GRIA2: variants seen among roughly 807,000 people sequenced by gnomAD.
The protein encoded by GRIA2 is glutamate receptor 2.
GRIA2 carries 14 observed loss-of-function variants against 97.3 expected under a neutral mutation model. The observed-to-expected ratio is 0.14, with a 90% CI of 0.10 to 0.23. GRIA2 has a LOEUF of 0.23. GRIA2 is among the 10% of genes least tolerant of loss of function. The pLI is 1.00. For synonymous variants in GRIA2, 412 were observed against 387.8 expected (o/e 1.06, Z -0.73); for missense variants, 558 against 1,069.8 (o/e 0.52, Z 6.67).
Position 157,229,263 on chromosome 4 carries a change from G to A in GRIA2, c.229+7456G>A, listed in dbSNP as rs962881085. ...TTATGTTTCGGGTTTGTTTTCTAACGATTTTGTTTTGTCTTATTTTCATTC... is the reference window on the plus strand; with the variant it reads ...TTATGTTTCGGGTTTGTTTTCTAACAATTTTGTTTTGTCTTATTTTCATTC... On this transcript the variant is annotated intron_variant, in intron 2 of 15. Coordinates refer to ENST00000264426, the MANE Select transcript of GRIA2 (RefSeq NM_001083619.3). Among the ~76,000 whole-genome samples the A allele has an allele frequency of 3.3e-5, 5 of 152,022 alleles. No homozygotes were observed. In the East Asian group the frequency reaches 5.8e-4, roughly 18 times the overall value.
intron 2 of GRIA2, among the ~76,000 whole-genome samples, chr4:157,301,485 G>C (rs1175365626): frequency 6.6e-6 from 1 of 152,164 alleles, no homozygotes; most frequent in Non-Finnish European, 1.5e-5. Context: ...TGGTAATAAA[G>C]GATGTGTAAA....
intron 15 of GRIA2, 71 bp downstream of exon 15, chr4:157,363,118 T>A: frequency 6.9e-7 from 1 of 1,458,932 alleles, no homozygotes; most frequent in Non-Finnish European, 9.3e-7. Flanking sequence ...TAAGCTCTTT[T>A]AAATAAGGAA....
In GRIA2 at chr4:157,332,846, G is replaced by A. The variant is rs375083724; in HGVS notation, c.910G>A (p.Val304Ile). The change falls in exon 7 of 16, where the codon GTT becomes ATT. Residue 304 changes from valine (V) to isoleucine (I), a missense_variant. Coordinates refer to ENST00000264426, the MANE Select transcript of GRIA2 (RefSeq NM_001083619.3). ...KYTSALTYDA[V>I]QVMTEAFRNL... is the part of the protein sequence containing the mutation. ...TACTTCTGCTCTGACCTATGATGCC[G>A]TTCAAGTGATGACTGAAGCCTTCCG... 58 of 1,612,168 alleles carry A rather than the reference G, an allele frequency of 3.6e-5. No individual in the cohort carries two copies. The highest frequency in any genetic ancestry group is 4.6e-5 in the Non-Finnish European group (54 of 1,178,696).
chr4:157,326,839 C>CA (rs1734823831), intron 6 of GRIA2, among the ~76,000 whole-genome samples: 1 of 152,084 alleles, frequency 6.6e-6, no homozygotes, highest in African/African-American at 2.4e-5. Flanking sequence ...TGAAGAGCAA[C>CA]AGGGAACTAC....
intron 10 of GRIA2, 116 bp from the exon 11 acceptor site, chr4:157,336,261 A>C (rs1295681206): frequency 2.3e-6 from 2 of 885,506 alleles, no homozygotes; most frequent in Non-Finnish European, 3.5e-6. Context: ...TACCAAGGAA[A>C]AAATTATTGT....
At chr4:157,283,552 A>ATGGGGG in intron 2 of GRIA2, among the ~76,000 whole-genome samples, 1 of 151,994 alleles carries the variant, frequency 6.6e-6, no homozygotes, top group African/African-American at 2.4e-5. Context: ...TCAGTGCAAA[A>ATGGGGG]ATTCATCAGA....
At chr4:157,239,485 T>A (rs1730401378) in intron 2 of GRIA2, among the ~76,000 whole-genome samples, 1 of 152,032 alleles carries the variant, frequency 6.6e-6, no homozygotes, top group Admixed American at 6.6e-5. Context: ...AGTGGTTAAT[T>A]CTATATTAAT....
intron 2 of GRIA2, among the ~76,000 whole-genome samples, chr4:157,237,473 T>G (rs566872243): frequency 1.3e-5 from 2 of 151,956 alleles, no homozygotes; most frequent in Non-Finnish European, 2.9e-5. Context: ...TTAAAAATAG[T>G]CTGACTGTGT....
intron 2 of GRIA2, among the ~76,000 whole-genome samples, chr4:157,222,177 C>T (rs1303247055): frequency 1.3e-5 from 2 of 152,126 alleles, no homozygotes; most frequent in East Asian, 3.9e-4. Context: ...GGCACCCTGC[C>T]CACAGAGAAC....
intron 2 of GRIA2, among the ~76,000 whole-genome samples, chr4:157,240,116 A>T (rs1730438184): frequency 6.6e-6 from 1 of 152,148 alleles, no homozygotes; most frequent in Admixed American, 6.6e-5. Flanking sequence ...GATTATTTAA[A>T]ACAAGTTTTA....
chr4:157,360,899 T>C, intron 13 of GRIA2, 111 bp from the exon 14 acceptor site: 1 of 774,714 alleles, frequency 1.3e-6, no homozygotes, highest in South Asian at 1.6e-5. Flanking sequence ...CACTTCATTT[T>C]TTTGTGACAA....
chr4:157,355,998 TTTA>T (rs1560781427), intron 12 of GRIA2, among the ~76,000 whole-genome samples: 1 of 103,588 alleles, frequency 9.7e-6, no homozygotes, highest in East Asian at 2.5e-4. Context: ...TTTATATATA[TTTA>T]TATATGTATT....
intron 2 of GRIA2, among the ~76,000 whole-genome samples, chr4:157,268,491 G>A (rs1217686594): frequency 6.6e-6 from 1 of 151,868 alleles, no homozygotes; most frequent in Admixed American, 6.6e-5. Context: ...TGAAAAATAT[G>A]TGTATTAACA....
chr4:157,295,496 TGA>T (rs1303266329), intron 2 of GRIA2, among the ~76,000 whole-genome samples: 2 of 152,094 alleles, frequency 1.3e-5, no homozygotes, highest in Non-Finnish European at 2.9e-5. Flanking sequence ...AGCTATATAT[TGA>T]GTGTCTGTGC....
intron 2 of GRIA2, among the ~76,000 whole-genome samples, chr4:157,239,646 A>G (rs1252405503): frequency 6.6e-6 from 1 of 151,958 alleles, no homozygotes; most frequent in Non-Finnish European, 1.5e-5. Flanking sequence ...GTCAAGATTC[A>G]GAACATCTAT....
At chr4:157,276,946 G>A (rs1392610756) in intron 2 of GRIA2, among the ~76,000 whole-genome samples, 1 of 151,800 alleles carries the variant, frequency 6.6e-6, no homozygotes, top group Non-Finnish European at 1.5e-5. Flanking sequence ...GAAAGCACCA[G>A]GCCCAGATAA....
chr4:157,336,372 TACAG>T lies in GRIA2; in HGVS notation c.1474-3_1474del, dbSNP rs1172839485. 1 of 1,531,940 alleles carries T rather than the reference TACAG, an allele frequency of 6.5e-7. No homozygotes were observed. Among genetic ancestry groups the T allele is most frequent in the Admixed American group, 2.1e-5 (1 of 46,860 alleles). The allele number at this position is 1,531,940 out of a possible 1,614,324, so 94.9% of individuals were successfully genotyped here. A position where few individuals can be genotyped will look rare whatever the true frequency, so the allele number is the denominator to read the frequency against. On this transcript the variant is annotated splice_acceptor_variant and splice_polypyrimidine_tract_variant and intron_variant, in intron 10 of 15. Transcript: ENST00000264426. LOFTEE classifies it high-confidence loss of function. ...TACTATTACTTTCCTTTTTTTCCCT[TACAG>T]AAAGCTGATATTGCAATTGCTCCAT...
chr4:157,332,501 G>C (rs902756637), intron 6 of GRIA2, among the ~76,000 whole-genome samples: 1 of 149,610 alleles, frequency 6.7e-6, no homozygotes. Context: ...AGGCTATAAA[G>C]TGAGGCTGTA....
At chr4:157,262,196 G>C (rs1365794358) in intron 2 of GRIA2, among the ~76,000 whole-genome samples, 1 of 151,926 alleles carries the variant, frequency 6.6e-6, no homozygotes, top group Non-Finnish European at 1.5e-5. Context: ...TGTTTCATTA[G>C]GGAACTTCAC....
Sources: allele counts gnomAD v4.1 joint callset (sites outside exome capture counted in the v4.1 genomes callset), GRCh38; gene constraint gnomAD v4.1.1; transcripts MANE v1.5; gene names NCBI Gene and HGNC (gene_info 2026-07-23, HGNC 2026-07-21).